The following CABCOCO1 variants were observed in gnomAD, a reference collection of about 807,000 sequenced individuals.
The protein encoded by CABCOCO1 is ciliary associated calcium binding coiled-coil 1.
A neutral mutation model predicts 35.7 loss-of-function variants in CABCOCO1; 28 were observed. That is an observed-to-expected ratio of 0.78 (90% CI 0.58 to 1.07). CABCOCO1 has a LOEUF of 1.07. CABCOCO1 is among the 50% of genes least tolerant of loss of function. The pLI, the probability that CABCOCO1 is intolerant of heterozygous loss-of-function variation, is 0.00. For synonymous variants in CABCOCO1, 95 were observed against 100.1 expected (o/e 0.95, Z 0.30); for missense variants, 326 against 309.2 (o/e 1.05, Z -0.41).
intron 5 of CABCOCO1, among the ~76,000 whole-genome samples, chr10:61,699,246 C>T (rs1275263553): frequency 6.6e-6 from 1 of 152,146 alleles, no homozygotes; most frequent in East Asian, 1.9e-4. Flanking sequence ...TACAATTTAT[C>T]AAACTTCACT....
At chr10:61,723,768 C>T (rs1248080294) in intron 5 of CABCOCO1, among the ~76,000 whole-genome samples, 1 of 152,130 alleles carries the variant, frequency 6.6e-6, no homozygotes, top group African/African-American at 2.4e-5. Context: ...CTCATTTACT[C>T]TTGATTACTT....
chr10:61,680,656 GTTATACAT>G (rs1839731865), intron 2 of CABCOCO1, among the ~76,000 whole-genome samples: 5 of 73,150 alleles, frequency 6.8e-5, no homozygotes, highest in African/African-American at 2.4e-4. Flanking sequence ...TATATATTAT[GTTATACAT>G]GTATAACATA....
intron 5 of CABCOCO1, among the ~76,000 whole-genome samples, chr10:61,719,796 C>T (rs539188151): frequency 6.6e-5 from 10 of 151,810 alleles, no homozygotes; most frequent in African/African-American, 2.4e-4. Flanking sequence ...TGACAGGCAC[C>T]TGTAATCCCA....
intron 5 of CABCOCO1, among the ~76,000 whole-genome samples, chr10:61,731,538 T>C (rs1045856624): frequency 6.6e-6 from 1 of 151,926 alleles, no homozygotes; most frequent in Non-Finnish European, 1.5e-5. Flanking sequence ...TTTTTTTGTA[T>C]TAAGATTAAT....
At chr10:61,690,516 C>T in intron 4 of CABCOCO1, 33 bp from the exon 5 acceptor site, 1 of 1,442,996 alleles carries the variant, frequency 6.9e-7, no homozygotes, top group Non-Finnish European at 9.6e-7. Flanking sequence ...CTGAAATCAA[C>T]TTATCAGAGT....
At chr10:61,669,950 A>G (rs1377467485) in intron 1 of CABCOCO1, among the ~76,000 whole-genome samples, 1 of 152,158 alleles carries the variant, frequency 6.6e-6, no homozygotes, top group Non-Finnish European at 1.5e-5. Flanking sequence ...TTAGGTTCAA[A>G]TGACTTGCCT....
intron 5 of CABCOCO1, among the ~76,000 whole-genome samples, chr10:61,717,372 C>A (rs1042487519): frequency 7.2e-5 from 11 of 151,984 alleles, no homozygotes; most frequent in African/African-American, 2.7e-4. Context: ...CATCAATTTT[C>A]TGGCGAATGG....
intron 5 of CABCOCO1, among the ~76,000 whole-genome samples, chr10:61,710,182 A>G (rs1161672545): frequency 6.6e-6 from 1 of 151,792 alleles, no homozygotes; most frequent in Non-Finnish European, 1.5e-5. Flanking sequence ...ATTCTGTGCC[A>G]CAGATTCTCA....
intron 6 of CABCOCO1, 107 bp downstream of exon 6, chr10:61,760,288 T>TAATTAATTAATTACTA: frequency 7.2e-7 from 1 of 1,393,136 alleles, no homozygotes; most frequent in Non-Finnish European, 9.7e-7. Context: ...CTCTGATTTT[T>TAATTAATTAATTACTA]CCCAACCAAA....
At chr10:61,673,729 G>A (rs966098223) in intron 2 of CABCOCO1, among the ~76,000 whole-genome samples, 2 of 152,170 alleles carry the variant, frequency 1.3e-5, no homozygotes, top group Non-Finnish European at 1.5e-5. Flanking sequence ...GGCAACCTCT[G>A]CTGGAAATTG....
intron 5 of CABCOCO1, among the ~76,000 whole-genome samples, chr10:61,697,630 T>C (rs1173016755): frequency 6.6e-6 from 1 of 152,136 alleles, no homozygotes; most frequent in Admixed American, 6.6e-5. Context: ...TTTTATTCTG[T>C]ATATTTCAGA....
intron 3 of CABCOCO1, among the ~76,000 whole-genome samples, chr10:61,684,600 C>T (rs1407392493): frequency 6.6e-6 from 1 of 152,128 alleles, no homozygotes; most frequent in African/African-American, 2.4e-5. Context: ...ATGGTGGGGT[C>T]CACATTGAGC....
At chr10:61,672,314 G>A (rs7089840) in intron 1 of CABCOCO1, among the ~76,000 whole-genome samples, 126,018 of 152,208 alleles carry the variant, frequency 0.83, 52,688 homozygotes, top group Middle Eastern at 0.95. Flanking sequence ...AGGTTAGCAC[G>A]TCTTTCTTGT....
At chr10:61,718,386 CA>C (rs1304639509) in intron 5 of CABCOCO1, among the ~76,000 whole-genome samples, 1 of 151,970 alleles carries the variant, frequency 6.6e-6, no homozygotes, top group Non-Finnish European at 1.5e-5. Flanking sequence ...AAAAAGTAGT[CA>C]ATTCACTGGA....
chr10:61,718,209 TAA>T (rs1214004369), intron 5 of CABCOCO1, among the ~76,000 whole-genome samples: 1 of 152,180 alleles, frequency 6.6e-6, no homozygotes, highest in Non-Finnish European at 1.5e-5. Flanking sequence ...TGATTTTCCA[TAA>T]AGAGATTATT....
At chr10:61,701,160 T>C (rs990950638) in intron 5 of CABCOCO1, among the ~76,000 whole-genome samples, 1 of 152,124 alleles carries the variant, frequency 6.6e-6, no homozygotes, top group Non-Finnish European at 1.5e-5. Context: ...TGTTTTGCAA[T>C]CAGCATGTAT....
chr10:61,693,870 T>TA (rs57965194), intron 5 of CABCOCO1, among the ~76,000 whole-genome samples: 21 of 150,592 alleles, frequency 1.4e-4, no homozygotes, highest in South Asian at 2.1e-4. Flanking sequence ...TGCAAAGAAA[T>TA]AAAAAAAAAT....
At chr10:61,685,793 G>A (rs1191489663) in intron 3 of CABCOCO1, among the ~76,000 whole-genome samples, 1 of 152,136 alleles carries the variant, frequency 6.6e-6, no homozygotes, top group African/African-American at 2.4e-5. Context: ...TAACTCATGG[G>A]CTCAAGTGAT....
intron 3 of CABCOCO1, 62 bp downstream of exon 3, chr10:61,681,374 T>C: frequency 1.6e-6 from 2 of 1,277,794 alleles, no homozygotes; most frequent in Middle Eastern, 2.4e-4. Flanking sequence ...ATTGAGGTTC[T>C]TAAGCAAAAG....
Sources: allele counts gnomAD v4.1 joint callset (sites outside exome capture counted in the v4.1 genomes callset), GRCh38; gene constraint gnomAD v4.1.1; transcripts MANE v1.5; gene names NCBI Gene and HGNC (gene_info 2026-07-23, HGNC 2026-07-21).